BNC2: variants seen among roughly 807,000 people sequenced by gnomAD.
BNC2 encodes basonuclin zinc finger protein 2.
Under a neutral mutation model 76.3 loss-of-function variants are expected in BNC2, and 20 were observed. That is an observed-to-expected ratio of 0.26 (90% confidence interval 0.18 to 0.38). BNC2 has a LOEUF of 0.38. Among genes scored for constraint, BNC2 ranks in the 10% least tolerant of loss-of-function variants. BNC2 has a pLI of 1.00. For missense variants in BNC2, 1,382 were observed against 1,399.8 expected, an observed-to-expected ratio of 0.99 and a Z score of 0.20; for synonymous variants, 582 against 514.8, an observed-to-expected ratio of 1.13 and a Z score of -1.77.
chr9:16,505,315 T>G (rs982004415), intron 5 of BNC2, among the ~76,000 whole-genome samples: 1 of 152,214 alleles, frequency 6.6e-6, no homozygotes, highest in Non-Finnish European at 1.5e-5. Flanking sequence ...TTTTTTGCTC[T>G]AATCTTTGTT....
At chr9:16,480,663 C>T (rs575671259) in intron 5 of BNC2, among the ~76,000 whole-genome samples, 4 of 152,334 alleles carry the variant, frequency 2.6e-5, no homozygotes, top group Non-Finnish European at 5.9e-5. Context: ...CCAGCGGCTG[C>T]GGAGGGTGTA....
chr9:16,480,487 C>T (rs1411097601), intron 5 of BNC2, among the ~76,000 whole-genome samples: 4 of 152,192 alleles, frequency 2.6e-5, no homozygotes, highest in East Asian at 1.9e-4. Flanking sequence ...CCGGCTCCCT[C>T]GGCTTGCAGG....
intron 4 of BNC2, among the ~76,000 whole-genome samples, chr9:16,574,032 A>G (rs1346878698): frequency 6.6e-6 from 1 of 152,190 alleles, no homozygotes; most frequent in Non-Finnish European, 1.5e-5. Flanking sequence ...GAGAAGGAAG[A>G]GTGGTTGAAA....
intron 6 of BNC2, chr9:16,434,787 T>C (rs966321305): frequency 2.4e-5 from 11 of 455,276 alleles, no homozygotes; most frequent in African/African-American, 6.0e-5. Flanking sequence ...GGACATAATA[T>C]ATTCGTGCTG....
chr9:16,495,012 A>T (rs184515616), intron 5 of BNC2, among the ~76,000 whole-genome samples: 1 of 152,346 alleles, frequency 6.6e-6, no homozygotes, highest in Non-Finnish European at 1.5e-5. Context: ...ATGTTCTTTC[A>T]ACCCAGGAGA....
At chr9:16,854,768 C>T (rs1472249856) in intron 1 of BNC2, among the ~76,000 whole-genome samples, 2 of 151,566 alleles carry the variant, frequency 1.3e-5, no homozygotes, top group Non-Finnish European at 2.9e-5. Context: ...AGAATATTAA[C>T]GTATCTAAAG....
At chr9:16,662,599 G>A (rs572600038) in intron 3 of BNC2, among the ~76,000 whole-genome samples, 50 of 152,306 alleles carry the variant, frequency 3.3e-4, no homozygotes, top group African/African-American at 1.1e-3. Flanking sequence ...AGCTGAACAT[G>A]GTGGTGCATG....
intron 3 of BNC2, among the ~76,000 whole-genome samples, chr9:16,625,353 G>GT (rs2133644899): frequency 6.6e-6 from 1 of 152,232 alleles, no homozygotes; most frequent in Non-Finnish European, 1.5e-5. Flanking sequence ...ACTCCCAACT[G>GT]GCAGGGCCAC....
chr9:16,570,261 G>A (rs893325260), intron 4 of BNC2, among the ~76,000 whole-genome samples: 1 of 152,102 alleles, frequency 6.6e-6, no homozygotes, highest in African/African-American at 2.4e-5. Flanking sequence ...ATCTGGTAGG[G>A]AAATATCTAA....
intron 5 of BNC2, among the ~76,000 whole-genome samples, chr9:16,521,081 G>T (rs1177237987): frequency 1.3e-5 from 2 of 152,126 alleles, no homozygotes; most frequent in Admixed American, 6.5e-5. Context: ...TCAGACAGGA[G>T]AATCACTTAA....
chr9:16,643,276 A>C (rs1013156590), intron 3 of BNC2, among the ~76,000 whole-genome samples: 4 of 149,164 alleles, frequency 2.7e-5, no homozygotes, highest in African/African-American at 1.0e-4. Flanking sequence ...AATGCACTCC[A>C]GCCTGGGTGA....
chr9:16,855,143 G>T (rs1024154865), intron 1 of BNC2, among the ~76,000 whole-genome samples: 1 of 152,048 alleles, frequency 6.6e-6, no homozygotes, highest in Admixed American at 6.6e-5. Context: ...GCGTGTGTGT[G>T]TGTGTGTGTG....
At position 16,679,525 on chromosome 9, in the gene BNC2, T is replaced by C. The variant is rs367996640; in HGVS notation, c.330+48272A>G. On this transcript the variant is annotated intron_variant, in intron 3 of 6. Transcript: ENST00000380672. ...GAACTTAGCTTAACAGCCTCATTTATTCCTGATGGTTTAAATTATTTCATC... is the reference window on the plus strand; with the variant it reads ...GAACTTAGCTTAACAGCCTCATTTACTCCTGATGGTTTAAATTATTTCATC... 9.8e-5 allele frequency among the ~76,000 whole-genome samples: 15 copies of C among 152,360 alleles called. No individual in the cohort carries two copies. In the East Asian group the frequency reaches 2.7e-3, roughly 27 times the overall value.
At chr9:16,639,416 T>C (rs931321011) in intron 3 of BNC2, among the ~76,000 whole-genome samples, 2 of 152,216 alleles carry the variant, frequency 1.3e-5, no homozygotes, top group African/African-American at 4.8e-5. Context: ...GTCTAACATA[T>C]GTATTTCAAA....
chr9:16,791,624 T>G (rs1817512721), intron 1 of BNC2, among the ~76,000 whole-genome samples: 1 of 152,086 alleles, frequency 6.6e-6, no homozygotes. Context: ...AAGACCCCAT[T>G]CACAGTCAAC....
intron 3 of BNC2, among the ~76,000 whole-genome samples, chr9:16,655,867 G>A (rs1189487948): frequency 2.6e-5 from 4 of 152,168 alleles, no homozygotes; most frequent in African/African-American, 4.8e-5. Flanking sequence ...CGTGCTGACT[G>A]GGGGCCACTC....
At chr9:16,662,781 A>C (rs1016000985) in intron 3 of BNC2, among the ~76,000 whole-genome samples, 4 of 152,268 alleles carry the variant, frequency 2.6e-5, no homozygotes, top group African/African-American at 9.6e-5. Flanking sequence ...AAACAGAAAA[A>C]GGAATGAATA....
chr9:16,722,812 C>A (rs1359270721), intron 3 of BNC2, among the ~76,000 whole-genome samples: 1 of 152,034 alleles, frequency 6.6e-6, no homozygotes, highest in Non-Finnish European at 1.5e-5. Flanking sequence ...TGTTACTTTC[C>A]CACTGCATTA....
intron 6 of BNC2, among the ~76,000 whole-genome samples, chr9:16,423,651 G>C (rs997095815): frequency 2.0e-5 from 3 of 152,182 alleles, no homozygotes; most frequent in African/African-American, 7.2e-5. Flanking sequence ...TAGAAGGGAA[G>C]AAAGCAATGA....
Sources: gnomAD v4.1 joint callset for allele counts (sites outside exome capture counted in the v4.1 genomes callset) on GRCh38, gnomAD v4.1.1 for gene constraint, MANE v1.5 for transcripts, NCBI Gene and HGNC (gene_info 2026-07-23, HGNC 2026-07-21) for gene names.